The following ARHGEF37 variants were observed in gnomAD, a reference collection of about 807,000 sequenced individuals.
ARHGEF37 encodes the protein Rho guanine nucleotide exchange factor 37.
ARHGEF37 carries 55 observed loss-of-function variants against 71.1 expected under a neutral mutation model. The ratio of observed to expected loss-of-function variants is 0.77; its 90% confidence interval spans 0.62 to 0.97. The LOEUF (loss-of-function observed/expected upper bound fraction) is 0.97. Ranked by LOEUF, ARHGEF37 falls within the 50% of genes least tolerant of loss-of-function variation. The pLI is 0.00. For missense variants in ARHGEF37, 765 were observed against 836.8 expected (o/e 0.91, Z 1.06); for synonymous variants, 327 against 350.6 (o/e 0.93, Z 0.75).
intron 3 of ARHGEF37, among the ~76,000 whole-genome samples, chr5:149,601,479 T>G (rs1763754212): frequency 6.6e-6 from 1 of 152,192 alleles, no homozygotes; most frequent in Non-Finnish European, 1.5e-5. Flanking sequence ...CACGGAATTG[T>G]TAGTGATGCA....
At chr5:149,595,937 A>AT (rs1300050663) in intron 1 of ARHGEF37, among the ~76,000 whole-genome samples, 1 of 144,452 alleles carries the variant, frequency 6.9e-6, no homozygotes, top group Non-Finnish European at 1.5e-5. Context: ...TTCTGTGTGG[A>AT]TAGCTGCATT....
At chr5:149,589,194 TA>T (rs55696751) in intron 1 of ARHGEF37, among the ~76,000 whole-genome samples, 36,637 of 146,336 alleles carry the variant, frequency 0.25, 4,969 homozygotes, top group African/African-American at 0.37. Context: ...TCCTGTCTCT[TA>T]AAAAAAAAAA....
intron 1 of ARHGEF37, among the ~76,000 whole-genome samples, chr5:149,592,824 C>T (rs1402887647): frequency 6.6e-6 from 1 of 152,162 alleles, no homozygotes; most frequent in Non-Finnish European, 1.5e-5. Flanking sequence ...GGCTGGAGTG[C>T]AGTGGCACGA....
intron 1 of ARHGEF37, among the ~76,000 whole-genome samples, chr5:149,564,746 C>T (rs925204049): frequency 2.6e-5 from 4 of 152,098 alleles, no homozygotes; most frequent in Non-Finnish European, 5.9e-5. Flanking sequence ...ATCGCCTGAA[C>T]CCAGGAGGCG....
At chr5:149,618,584 C>T (rs75881609) in intron 6 of ARHGEF37, among the ~76,000 whole-genome samples, 8,263 of 152,294 alleles carry the variant, frequency 0.054, 235 homozygotes, top group African/African-American at 0.062. Context: ...TAAATAGCTA[C>T]TTCTAGCAGC....
intron 1 of ARHGEF37, among the ~76,000 whole-genome samples, chr5:149,554,333 A>AAATG (rs970077633): frequency 7.9e-5 from 12 of 152,292 alleles, no homozygotes; most frequent in South Asian, 4.1e-4. Context: ...TTGTCTCAAT[A>AAATG]AATGAATGAA....
chr5:149,595,150 T>C (rs1763508979), intron 1 of ARHGEF37, among the ~76,000 whole-genome samples: 1 of 152,140 alleles, frequency 6.6e-6, no homozygotes, highest in African/African-American at 2.4e-5. Context: ...TGTTCATGTT[T>C]CTTTTGTTGT....
At chr5:149,602,069 T>C (rs1437486321) in intron 3 of ARHGEF37, among the ~76,000 whole-genome samples, 1 of 151,750 alleles carries the variant, frequency 6.6e-6, no homozygotes, top group Non-Finnish European at 1.5e-5. Flanking sequence ...CTTTTTTTTT[T>C]TTTTTGAGAC....
chr5:149,584,860 G>C (rs1763191872), intron 1 of ARHGEF37, among the ~76,000 whole-genome samples: 1 of 152,062 alleles, frequency 6.6e-6, no homozygotes, highest in Non-Finnish European at 1.5e-5. Context: ...GAGCTCAGAT[G>C]ATCTGCCTGC....
chr5:149,577,360 A>G (rs773837938), upstream of ARHGEF37, among the ~76,000 whole-genome samples: 1 of 152,130 alleles, frequency 6.6e-6, no homozygotes, highest in Non-Finnish European at 1.5e-5. Context: ...CAAGACTGAG[A>G]CTCTAAAAGA....
chr5:149,590,470 CG>C (rs1268267166), intron 1 of ARHGEF37, among the ~76,000 whole-genome samples: 1 of 151,778 alleles, frequency 6.6e-6, no homozygotes, highest in Non-Finnish European at 1.5e-5. Context: ...TTAGTAGAGA[CG>C]AGGGTTCACC....
intron 1 of ARHGEF37, among the ~76,000 whole-genome samples, chr5:149,565,519 C>G (rs1762887131): frequency 6.6e-6 from 1 of 152,176 alleles, no homozygotes; most frequent in Admixed American, 6.5e-5. Context: ...TGGGCAAAAG[C>G]ATACTGGCTA....
At chr5:149,603,908 C>T (rs761798480) in intron 3 of ARHGEF37, among the ~76,000 whole-genome samples, 19 of 152,244 alleles carry the variant, frequency 1.2e-4, no homozygotes, top group Non-Finnish European at 1.8e-4. Context: ...TGTACTCCAG[C>T]CTGGGTGACA....
At position 149,616,600 on chromosome 5, in the gene ARHGEF37, G is replaced by A; in HGVS notation, c.492G>A (p.Leu164=). The change falls in exon 5 of 13, where the codon TTG becomes TTA. Residue 164 remains leucine (L), a synonymous_variant. Coordinates refer to ENST00000333677, the MANE Select transcript of ARHGEF37 (RefSeq NM_001001669.3). The part of the protein sequence containing the change: ...PQAGSSGLSF[L]LVIPLQRITR... ...CTGGATCTTCAGGCCTCAGTTTCTTGCTGGTAATTCCTCTGCAGAGGATCA... is the reference window on the plus strand; with the variant it reads ...CTGGATCTTCAGGCCTCAGTTTCTTACTGGTAATTCCTCTGCAGAGGATCA... 1 of 1,611,104 alleles carries A rather than the reference G, an allele frequency of 6.2e-7. No homozygotes were observed. The highest frequency in any genetic ancestry group is 1.1e-5 in the South Asian group (1 of 90,858).
intron 1 of ARHGEF37, among the ~76,000 whole-genome samples, chr5:149,574,098 T>C (rs1001473549): frequency 2.6e-5 from 4 of 152,216 alleles, no homozygotes; most frequent in Non-Finnish European, 5.9e-5. Flanking sequence ...TTATAAATTA[T>C]TTCTATCCTT....
rs1023303636 is a variant in ARHGEF37 at position 149,608,572 on chromosome 5, C to T, written c.311-976C>T. 4.2e-4 allele frequency among the ~76,000 whole-genome samples: 64 copies of T among 151,794 alleles called. 1 individual carries two copies. Among genetic ancestry groups the T allele is most frequent in the Admixed American group, 3.5e-3 (53 of 15,238 alleles). On this transcript the variant is annotated intron_variant, in intron 3 of 12. Coordinates refer to ENST00000333677, the MANE Select transcript of ARHGEF37 (RefSeq NM_001001669.3). ...ATTTTTAGTAAAGGCAGGGTTTTACCATGTTAGCCAGGCTGGTCTGGAACT... is the reference window on the plus strand; with the variant it reads ...ATTTTTAGTAAAGGCAGGGTTTTACTATGTTAGCCAGGCTGGTCTGGAACT...
At chr5:149,563,579 A>T (rs1171282668) in intron 1 of ARHGEF37, among the ~76,000 whole-genome samples, 2 of 151,970 alleles carry the variant, frequency 1.3e-5, no homozygotes, top group Non-Finnish European at 2.9e-5. Flanking sequence ...TAGGCCATAA[A>T]CCTCTTAGAA....
chr5:149,628,506 T>C (rs1752768640), intron 11 of ARHGEF37, among the ~76,000 whole-genome samples: 1 of 152,164 alleles, frequency 6.6e-6, no homozygotes, highest in South Asian at 2.1e-4. Flanking sequence ...GCATGGGAGC[T>C]GGCGGCTCCA....
intron 1 of ARHGEF37, among the ~76,000 whole-genome samples, chr5:149,554,662 T>TTA (rs397720155): frequency 6.6e-6 from 1 of 151,846 alleles, no homozygotes; most frequent in Non-Finnish European, 1.5e-5. Context: ...TTTTTTTTTT[T>TTA]ACATAGAAAA....
Sources: gnomAD v4.1 joint callset for allele counts (sites outside exome capture counted in the v4.1 genomes callset) on GRCh38, gnomAD v4.1.1 for gene constraint, MANE v1.5 for transcripts, NCBI Gene and HGNC (gene_info 2026-07-23, HGNC 2026-07-21) for gene names.